Variants in ERBB4 observed in about 807,000 individuals in gnomAD.
The protein encoded by ERBB4 is receptor tyrosine-protein kinase erbB-4.
A neutral mutation model predicts 158.0 loss-of-function variants in ERBB4; 42 were observed. That is an observed-to-expected ratio of 0.27 (90% confidence interval 0.21 to 0.34). The LOEUF (loss-of-function observed/expected upper bound fraction) is 0.34, where lower values mean the gene tolerates loss of function less well. Ranked by LOEUF, ERBB4 falls within the 10% of genes least tolerant of loss-of-function variation. The pLI, the probability that ERBB4 is intolerant of heterozygous loss-of-function variation, is 1.00. For synonymous variants in ERBB4, 583 were observed against 558.7 expected (o/e 1.04, Z -0.61); for missense variants, 1,333 against 1,624.1 (o/e 0.82, Z 3.08).
At chr2:211,567,342 C>T (rs1342471067) in intron 19 of ERBB4, among the ~76,000 whole-genome samples, 2 of 152,158 alleles carry the variant, frequency 1.3e-5, no homozygotes, top group Non-Finnish European at 2.9e-5. Context: ...ATTAGCCCTA[C>T]CTGCATGAAT....
chr2:212,260,704 T>A (rs1411997685), intron 1 of ERBB4, among the ~76,000 whole-genome samples: 1 of 151,968 alleles, frequency 6.6e-6, no homozygotes, highest in Admixed American at 6.6e-5. Context: ...TCCAAGCTAC[T>A]CGGGAGGCTA....
At chr2:211,525,631 A>C (rs2066326115) in intron 20 of ERBB4, among the ~76,000 whole-genome samples, 1 of 152,140 alleles carries the variant, frequency 6.6e-6, no homozygotes, top group African/African-American at 2.4e-5. Context: ...GTAGGGCACC[A>C]AACAGGTTCT....
At position 211,473,134 on chromosome 2, in the gene ERBB4, A is replaced by G. The variant is rs78956488; in HGVS notation, c.2488-42034T>C. Among the ~76,000 whole-genome samples, 1,063 of 152,058 alleles carry G rather than the reference A, an allele frequency of 7.0e-3. 16 individuals are homozygous for G. The highest frequency in any genetic ancestry group is 0.024 in the African/African-American group (1,003 of 41,492). ...TATCTAGGTGGGCTTTAAATACACA[A>G]GTATTCTCATTATAGGAAGGCAAAC... On this transcript the variant is annotated intron_variant, in intron 20 of 27. Coordinates refer to ENST00000342788, the MANE Select transcript of ERBB4 (RefSeq NM_005235.3).
In ERBB4 at chr2:212,331,058, G is replaced by GTATATATATATATATATA; in HGVS notation, c.83-206156_83-206155insTATATATATATATATATA. ...AGTAAGTTTCCCATATTTGTAATTT[G>GTATATATATATATATATA]TATATATATATATACACATATATAT... On this transcript the variant is annotated intron_variant, in intron 1 of 27. Coordinates refer to ENST00000342788, the MANE Select transcript of ERBB4 (RefSeq NM_005235.3). 4.6e-4 allele frequency among the ~76,000 whole-genome samples: 26 copies of GTATATATATATATATATA among 56,246 alleles called. 1 individual carries two copies. Among genetic ancestry groups the GTATATATATATATATATA allele is most frequent in the Admixed American group, 1.1e-3 (4 of 3,784 alleles). 36.9% of individuals were successfully genotyped at this position (56,246 alleles called of 152,430 possible).
intron 2 of ERBB4, among the ~76,000 whole-genome samples, chr2:212,052,907 C>T (rs1017199358): frequency 1.3e-4 from 20 of 152,240 alleles, no homozygotes; most frequent in Admixed American, 3.9e-4. Flanking sequence ...TGACATCACC[C>T]GAATAAAAAA....
At chr2:211,779,232 T>G (rs1055183596) in intron 4 of ERBB4, 7 of 152,178 alleles carry the variant, frequency 4.6e-5, no homozygotes, top group Non-Finnish European at 7.3e-5. Context: ...CATCAAATGA[T>G]TTCCCGCAAC....
intron 1 of ERBB4, among the ~76,000 whole-genome samples, chr2:212,197,116 G>A (rs1226998577): frequency 1.3e-5 from 2 of 152,216 alleles, no homozygotes; most frequent in Admixed American, 1.3e-4. Context: ...ACAAATTTGA[G>A]AATGGCCTGT....
intron 23 of ERBB4, among the ~76,000 whole-genome samples, chr2:211,423,553 G>T (rs1432490120): frequency 6.6e-6 from 1 of 151,614 alleles, no homozygotes; most frequent in Admixed American, 6.6e-5. Context: ...TATGTGTCTG[G>T]GACATAGGAA....
At position 212,497,174 on chromosome 2, in the gene ERBB4, A is replaced by G. The variant is rs77507432; in HGVS notation, c.82+41275T>C. On this transcript the variant is annotated intron_variant, in intron 1 of 27. Coordinates refer to ENST00000342788, the MANE Select transcript of ERBB4 (RefSeq NM_005235.3). The stretch of plus-strand genomic sequence containing the variant: ...GCCTGGGTGACAAGAGCAAAACTCC[A>G]TCTCAAAAAAAAAAAAAAAAAAACC... 1.0e-2 allele frequency among the ~76,000 whole-genome samples: 1,149 copies of G among 114,988 alleles called. 8 individuals carry two copies. Among genetic ancestry groups the G allele is most frequent in the African/African-American group, 0.01 (249 of 23,718 alleles). 75.4% of individuals were successfully genotyped at this position (114,988 alleles called of 152,430 possible).
rs565083468 is a variant in ERBB4, at chr2:211,705,167, G to T, written c.1198+151C>A. On this transcript the variant is annotated intron_variant, in intron 10 of 27. Transcript: ENST00000342788. ...AGACAGGGTTTCTCCATGTTGGCCA[G>T]GATTTCCATCTCCTGACCTCATGAT... 5.1e-5 allele frequency: 33 copies of T among 647,162 alleles called. No individual in the cohort carries two copies. The East Asian group carries it at 9.5e-4, about 19-fold the overall frequency. The allele number at this position is 647,162 out of a possible 1,614,324, so 40.1% of individuals were successfully genotyped here.
chr2:211,696,153 C>G (rs1055354547), intron 12 of ERBB4, among the ~76,000 whole-genome samples: 1 of 150,732 alleles, frequency 6.6e-6, no homozygotes, highest in African/African-American at 2.4e-5. Context: ...CTTTGTTGCC[C>G]AGGCTGAAGT....
At chr2:212,003,800 G>C (rs746659931) in intron 2 of ERBB4, among the ~76,000 whole-genome samples, 1 of 152,082 alleles carries the variant, frequency 6.6e-6, no homozygotes, top group Non-Finnish European at 1.5e-5. Flanking sequence ...TGCAGGTTTA[G>C]GAACCAAAAA....
intron 1 of ERBB4, among the ~76,000 whole-genome samples, chr2:212,479,902 A>G (rs1689600216): frequency 6.6e-6 from 1 of 152,178 alleles, no homozygotes; most frequent in Non-Finnish European, 1.5e-5. Context: ...ATGGTAGGTC[A>G]TGGCCTCACA....
chr2:212,286,600 T>TTTTTGTTTGTTTG (rs2085977383), intron 1 of ERBB4, among the ~76,000 whole-genome samples: 1 of 79,192 alleles, frequency 1.3e-5, no homozygotes, highest in African/African-American at 7.6e-5. Flanking sequence ...CTGACTTTTT[T>TTTTTGTTTGTTTG]TTTTTTTTTT....
Position 212,036,360 on chromosome 2 carries a change from AT to A in ERBB4, c.234+88391del, listed in dbSNP as rs200551074. ...TTTCTGATGAGAAAGTCAAGAGTACATTTTTTTTTTAACCCTTCTTTATCTA... is the reference window on the plus strand; with the variant it reads ...TTTCTGATGAGAAAGTCAAGAGTACATTTTTTTTTAACCCTTCTTTATCTA... On this transcript the variant is annotated intron_variant, in intron 2 of 27. Transcript: ENST00000342788. 1.6e-3 allele frequency among the ~76,000 whole-genome samples: 234 copies of A among 149,674 alleles called. 3 individuals carry two copies. Among genetic ancestry groups the A allele is most frequent in the East Asian group, 2.9e-3 (15 of 5,126 alleles).
intron 1 of ERBB4, among the ~76,000 whole-genome samples, chr2:212,295,577 A>G (rs895321643): frequency 6.6e-6 from 1 of 152,102 alleles, no homozygotes; most frequent in Non-Finnish European, 1.5e-5. Flanking sequence ...GACACAGTGG[A>G]AAGAACAGGG....
intron 2 of ERBB4, among the ~76,000 whole-genome samples, chr2:212,045,744 A>T (rs996787057): frequency 1.3e-5 from 2 of 152,206 alleles, no homozygotes; most frequent in African/African-American, 4.8e-5. Flanking sequence ...ACAAACCGCT[A>T]CTGTGTCCAA....
intron 1 of ERBB4, among the ~76,000 whole-genome samples, chr2:212,360,487 T>C (rs1429157492): frequency 1.3e-5 from 2 of 151,696 alleles, no homozygotes; most frequent in Non-Finnish European, 3.0e-5. Context: ...CTTATGTAAC[T>C]GGAAGTAATT....
intron 25 of ERBB4, among the ~76,000 whole-genome samples, chr2:211,391,395 A>G (rs2062795536): frequency 6.6e-6 from 1 of 152,340 alleles, no homozygotes; most frequent in East Asian, 1.9e-4. Flanking sequence ...GCTGTCCATC[A>G]AAGTCCAGCT....
Sources: gnomAD v4.1 joint callset for allele counts (sites outside exome capture counted in the v4.1 genomes callset) on GRCh38, gnomAD v4.1.1 for gene constraint, MANE v1.5 for transcripts, NCBI Gene and HGNC (gene_info 2026-07-23, HGNC 2026-07-21) for gene names.